FNDC5: variants seen among roughly 807,000 people sequenced by gnomAD.
FNDC5 encodes the protein fibronectin type III domain-containing protein 5.
In FNDC5, 10 loss-of-function variants were observed where a neutral mutation model predicts 24.6. That is an observed-to-expected ratio of 0.41 (90% CI 0.25 to 0.69). The LOEUF is 0.69. Ranked by LOEUF, FNDC5 falls within the 30% of genes least tolerant of loss-of-function variation. FNDC5 has a pLI of 0.34. For synonymous variants in FNDC5, 90 were observed against 110.7 expected, an observed-to-expected ratio of 0.81 and a Z score of 1.18; for missense variants, 226 against 282.9, an observed-to-expected ratio of 0.80 and a Z score of 1.44.
intron 4 of FNDC5, among the ~76,000 whole-genome samples, chr1:32,865,929 T>C (rs1641062940): frequency 6.6e-6 from 1 of 152,220 alleles, no homozygotes; most frequent in Non-Finnish European, 1.5e-5. Context: ...GTTAAATGTT[T>C]AGTTTTATCA....
chr1:32,867,846 C>T lies in FNDC5; in HGVS notation c.410-4G>A. On this transcript the variant is annotated splice_region_variant and splice_polypyrimidine_tract_variant and intron_variant, in intron 3 of 5. Transcript: ENST00000373471. ...ATCTCTTTCATGGTTACCTCATCTG[C>T]AGGGAGAGAGACACTAGATCCAGCA... 1 of 1,613,816 alleles carries T rather than the reference C, an allele frequency of 6.2e-7. No individual in the cohort carries two copies. Among genetic ancestry groups the T allele is most frequent in the Non-Finnish European group, 8.5e-7 (1 of 1,179,872 alleles).
rs369474610 is a variant in FNDC5 at position 32,868,222 on chromosome 1, C to A, written c.377G>T (p.Arg126Leu). The change falls in exon 3 of 6, where the codon CGT (arginine) becomes CTT (leucine). Residue 126 changes from arginine to leucine, a missense_variant. Coordinates refer to ENST00000373471, the MANE Select transcript of FNDC5 (RefSeq NM_153756.3). The surrounding 1 kb of genome is among the most constrained non-coding windows in gnomAD (Gnocchi z 4.8). Reference sequence around the variant, plus strand: ...CTTGGAGGCCATCTTCTCAGCCTCACGCGGGGTCTTGAAGAGCACAGGCTC... The same window carrying A: ...CTTGGAGGCCATCTTCTCAGCCTCAAGCGGGGTCTTGAAGAGCACAGGCTC... The A allele has an allele frequency of 8.1e-6, 13 of 1,614,170 alleles. No individual in the cohort carries two copies. The highest frequency in any genetic ancestry group is 1.1e-5 in the Non-Finnish European group (13 of 1,180,030).
chr1:32,865,393 C>T (rs1641052155), intron 4 of FNDC5, among the ~76,000 whole-genome samples: 1 of 151,210 alleles, frequency 6.6e-6, no homozygotes, highest in African/African-American at 2.4e-5. Context: ...GCCACCATGC[C>T]CGGCAATCCC....
At chr1:32,871,059 G>T (rs1351071349), upstream of FNDC5, 2 of 150,852 alleles carry the variant, frequency 1.3e-5, no homozygotes, top group Admixed American at 1.3e-4. Flanking sequence ...TCCTCTGCCG[G>T]GGAGGAAGGG....
chr1:32,863,906 C>T lies in FNDC5; in HGVS notation c.*388G>A. The T allele has an allele frequency of 7.8e-7, 1 of 1,276,354 alleles. No individual in the cohort carries two copies. Among genetic ancestry groups the T allele is most frequent in the Non-Finnish European group, 1.0e-6 (1 of 981,970 alleles). The allele number at this position is 1,276,354 out of a possible 1,614,324, so 79.1% of individuals were successfully genotyped here. ...AGCCTAAATAAGCCAAGCTCTTGTCCCTTGTGGAAAGAAAAGAGAAGCCCT... is the reference window on the plus strand; with the variant it reads ...AGCCTAAATAAGCCAAGCTCTTGTCTCTTGTGGAAAGAAAAGAGAAGCCCT... On this transcript the variant is annotated 3_prime_UTR_variant, in exon 6 of 6. Coordinates refer to ENST00000373471, the MANE Select transcript of FNDC5 (RefSeq NM_153756.3).
rs1230079753 is a variant in FNDC5 at position 32,864,680 on chromosome 1, C to A, written c.617G>T (p.Gly206Val). ...TGCCCTCACCTTGCTGCGGAGAAGCCCCCCGCCCTGGTGCTCTGGTGTGCT... is the reference window on the plus strand; with the variant it reads ...TGCCCTCACCTTGCTGCGGAGAAGCACCCCGCCCTGGTGCTCTGGTGTGCT... Residue 206 changes from glycine to valine, a missense_variant, in exon 5 of 6, where the codon GGG (glycine) becomes GTG (valine). Physicochemically the swap from Gly to Val is moderately radical, Grantham distance 109. Coordinates refer to ENST00000373471, the MANE Select transcript of FNDC5 (RefSeq NM_153756.3). 4 of 1,614,106 alleles carry A rather than the reference C, an allele frequency of 2.5e-6. No individual in the cohort carries two copies. In the South Asian group the frequency reaches 4.4e-5, roughly 18 times the overall value.
chr1:32,869,275 G>A (rs941476513), intron 1 of FNDC5, among the ~76,000 whole-genome samples: 3 of 152,258 alleles, frequency 2.0e-5, no homozygotes, highest in South Asian at 2.1e-4. Context: ...ATGGGCCTGG[G>A]CCGGGGCCCT....
rs1641003797 is a variant in FNDC5, at chr1:32,863,618, G to C, written c.*676C>G. The C allele has an allele frequency of 9.9e-7, 1 of 1,014,304 alleles. No homozygotes were observed. The highest frequency in any genetic ancestry group is 1.4e-6 in the Non-Finnish European group (1 of 727,820). The allele number at this position is 1,014,304 out of a possible 1,614,324, so 62.8% of individuals were successfully genotyped here. A position where few individuals can be genotyped will look rare whatever the true frequency, so the allele number is the denominator to read the frequency against. On this transcript the variant is annotated 3_prime_UTR_variant, in exon 6 of 6. Transcript: ENST00000373471. Reference sequence around the variant, plus strand: ...TCATCTGACTAGGACAAGGAGAAGAGAGAACTGTGCAGCTAGCTGTGCCTC... The same window carrying C: ...TCATCTGACTAGGACAAGGAGAAGACAGAACTGTGCAGCTAGCTGTGCCTC...
At chr1:32,864,578 T>C (rs1641033125) in intron 5 of FNDC5, 86 bp downstream of exon 5, 3 of 1,594,258 alleles carry the variant, frequency 1.9e-6, no homozygotes, top group Non-Finnish European at 2.6e-6. Context: ...GCCATGCCAG[T>C]CCCCGAGCTG....
intron 4 of FNDC5, 98 bp from the exon 5 acceptor site, chr1:32,864,895 T>C: frequency 6.6e-7 from 1 of 1,525,152 alleles, no homozygotes; most frequent in East Asian, 2.3e-5. Flanking sequence ...CTCCAGATTG[T>C]ACCTCACCTG....
chr1:32,864,716 G>C lies in FNDC5; in HGVS notation c.581C>G (p.Ala194Gly). The change falls in exon 5 of 6, where the codon GCA (alanine) becomes GGA (glycine). Residue 194 changes from alanine (A) to glycine (G), a missense_variant. Transcript: ENST00000373471. Reference sequence around the variant, plus strand: ...GTGCTCTGGTGTGCTGGTTTCTGATGCACTCTTGGTTTTTTCCTTGTTGTT... The same window carrying C: ...GTGCTCTGGTGTGCTGGTTTCTGATCCACTCTTGGTTTTTTCCTTGTTGTT... 6.2e-7 allele frequency: 1 copy of C among 1,614,200 alleles called. No homozygotes were observed. Among genetic ancestry groups the C allele is most frequent in the Non-Finnish European group, 8.5e-7 (1 of 1,180,048 alleles).
intron 4 of FNDC5, among the ~76,000 whole-genome samples, chr1:32,866,501 G>C (rs1641073174): frequency 6.6e-6 from 1 of 152,016 alleles, no homozygotes; most frequent in Non-Finnish European, 1.5e-5. Flanking sequence ...TTTGTTTCTT[G>C]AACACACCAT....
At chr1:32,864,412 A>G (rs1305548916) in intron 5 of FNDC5, 113 bp from the exon 6 acceptor site, 3 of 1,524,546 alleles carry the variant, frequency 2.0e-6, no homozygotes, top group Non-Finnish European at 2.6e-6. Flanking sequence ...TCCCGCGCCA[A>G]CCAAGAATTC....
chr1:32,863,908 T>C lies in FNDC5; in HGVS notation c.*386A>G. 3 of 1,276,212 alleles carry C rather than the reference T, an allele frequency of 2.4e-6. No individual in the cohort carries two copies. The highest frequency in any genetic ancestry group is 3.1e-6 in the Non-Finnish European group (3 of 982,034). 79.1% of individuals were successfully genotyped at this position (1,276,212 alleles called of 1,614,324 possible). ...CCTAAATAAGCCAAGCTCTTGTCCC[T>C]TGTGGAAAGAAAAGAGAAGCCCTGC... On this transcript the variant is annotated 3_prime_UTR_variant, in exon 6 of 6. Transcript: ENST00000373471.
upstream of FNDC5, among the ~76,000 whole-genome samples, chr1:32,871,439 A>G (rs1446926778): frequency 6.6e-6 from 1 of 152,146 alleles, no homozygotes; most frequent in African/African-American, 2.4e-5. Context: ...GTCTCACTGG[A>G]GAGTCCAGCT....
At chr1:32,867,876 T>C (rs1331262616) in intron 3 of FNDC5, 34 bp from the exon 4 acceptor site, 2 of 1,604,868 alleles carry the variant, frequency 1.2e-6, no homozygotes, top group Non-Finnish European at 8.5e-7. Flanking sequence ...CCAGCACTCC[T>C]TTCCTCCCTC....
In FNDC5 at chr1:32,863,610, G is replaced by A. The variant is rs1385183517; in HGVS notation, c.*684C>T. Reference sequence around the variant, plus strand: ...AGCCTCCTTCATCTGACTAGGACAAGGAGAAGAGAGAACTGTGCAGCTAGC... The same window carrying A: ...AGCCTCCTTCATCTGACTAGGACAAAGAGAAGAGAGAACTGTGCAGCTAGC... On this transcript the variant is annotated 3_prime_UTR_variant, in exon 6 of 6. Transcript: ENST00000373471. The A allele has an allele frequency of 2.1e-6, 2 of 956,858 alleles. No homozygotes were observed. Among genetic ancestry groups the A allele is most frequent in the East Asian group, 6.1e-5 (1 of 16,288 alleles). The allele number at this position is 956,858 out of a possible 1,614,324, so 59.3% of individuals were successfully genotyped here.
At chr1:32,872,402 G>T (rs1641196508), upstream of FNDC5, 1 of 152,584 alleles carries the variant, frequency 6.6e-6, no homozygotes, top group Non-Finnish European at 1.5e-5. Flanking sequence ...ACCTTGTCCT[G>T]GGAGAGCCTC....
At chr1:32,869,708 A>T (rs1287234598) in intron 1 of FNDC5, among the ~76,000 whole-genome samples, 1 of 151,916 alleles carries the variant, frequency 6.6e-6, no homozygotes, top group African/African-American at 2.4e-5. Flanking sequence ...ATGAGGAATC[A>T]CTCCAGAAGA....
Sources: allele counts gnomAD v4.1 joint callset (sites outside exome capture counted in the v4.1 genomes callset), GRCh38; gene constraint gnomAD v4.1.1; non-coding constraint Gnocchi (gnomAD v3.1); transcripts MANE v1.5; gene names NCBI Gene and HGNC (gene_info 2026-07-23, HGNC 2026-07-21).